The following ANKRD13D variants were observed in gnomAD, a reference collection of about 807,000 sequenced individuals.
ANKRD13D encodes ankyrin repeat domain 13D, also known as ankyrin repeat domain-containing protein 13D.
In ANKRD13D, 24 loss-of-function variants were observed where a neutral mutation model predicts 68.8. The ratio of observed to expected loss-of-function variants is 0.35; its 90% CI spans 0.25 to 0.49. ANKRD13D has a LOEUF of 0.49. ANKRD13D is among the 20% of genes least tolerant of loss of function. The probability of loss-of-function intolerance (pLI) is 0.99; values close to 1 mark genes in which losing one functional copy is unlikely to be tolerated. For synonymous variants in ANKRD13D, 331 were observed against 336.1 expected, an observed-to-expected ratio of 0.98 and a Z score of 0.16; for missense variants, 735 against 832.1, an observed-to-expected ratio of 0.88 and a Z score of 1.44.
rs189995219 is a variant in ANKRD13D, at chr11:67,297,891, T to G, written c.732-1167T>G. ...GAGTATTTTCTGATTTCTCTTTTGA[T>G]TTATTATTTGAGACGTTGGCTATTT... On this transcript the variant is annotated intron_variant, in intron 6 of 14. Coordinates refer to ENST00000511455, the MANE Select transcript of ANKRD13D (RefSeq NM_207354.3). 18 of 152,212 alleles carry G rather than the reference T, an allele frequency of 1.2e-4. No homozygotes were observed. The East Asian group carries it at 3.5e-3, about 29-fold the overall frequency. The allele number at this position is 152,212 out of a possible 1,614,324, so 9.4% of individuals were successfully genotyped here.
In ANKRD13D at chr11:67,301,503, G is replaced by A; in HGVS notation, c.1364G>A (p.Cys455Tyr). The A allele has an allele frequency of 6.2e-7, 1 of 1,612,910 alleles. No individual in the cohort carries two copies. Among genetic ancestry groups the A allele is most frequent in the Non-Finnish European group, 8.5e-7 (1 of 1,179,782 alleles). Reference sequence around the variant, plus strand: ...ACCTGCCTAGGGAACCCTTTCCCGTGCGAGGTGGACCCCACCGTGTTTGAA... The same window carrying A: ...ACCTGCCTAGGGAACCCTTTCCCGTACGAGGTGGACCCCACCGTGTTTGAA... ...AVAASGNPFP[C>Y]EVDPTVFEVP... Residue 455 changes from cysteine to tyrosine, a missense_variant, in exon 13 of 15, where the codon TGC (cysteine) becomes TAC (tyrosine). By Grantham distance (194) the Cys-to-Tyr change is radical (BLOSUM62 -2). Coordinates refer to ENST00000511455, the MANE Select transcript of ANKRD13D (RefSeq NM_207354.3). This position sits in a 1 kb window ranked among gnomAD's most constrained non-coding sequence, Gnocchi z 4.5.
Position 67,291,986 on chromosome 11 carries a change from G to T in ANKRD13D, c.542-5G>T, listed in dbSNP as rs376543024. The T allele has an allele frequency of 1.8e-5, 29 of 1,573,366 alleles. No individual in the cohort carries two copies. The highest frequency in any genetic ancestry group is 1.6e-4 in the East Asian group (7 of 44,156). Reference sequence around the variant, plus strand: ...CCCCCTCTGTCCACCCCTACCGGCCGGCAGAGGCAGGAGCCCTGGTGATGG... The same window carrying T: ...CCCCCTCTGTCCACCCCTACCGGCCTGCAGAGGCAGGAGCCCTGGTGATGG... On this transcript the variant is annotated splice_region_variant and splice_polypyrimidine_tract_variant and intron_variant, in intron 5 of 14. Coordinates refer to ENST00000511455, the MANE Select transcript of ANKRD13D (RefSeq NM_207354.3).
At chr11:67,295,945 G>A (rs901272448) in intron 6 of ANKRD13D, among the ~76,000 whole-genome samples, 2 of 152,166 alleles carry the variant, frequency 1.3e-5, no homozygotes, top group African/African-American at 4.8e-5. Flanking sequence ...ATGAAAGGAT[G>A]TTGGATTTTG....
At chr11:67,292,991 C>T (rs1035622598) in intron 6 of ANKRD13D, among the ~76,000 whole-genome samples, 26 of 152,098 alleles carry the variant, frequency 1.7e-4, no homozygotes, top group Non-Finnish European at 3.7e-4. Flanking sequence ...GTAACTATTT[C>T]TTTCCTTTTT....
intron 3 of ANKRD13D, chr11:67,290,950 TC>T: frequency 5.6e-6 from 1 of 177,384 alleles, no homozygotes; most frequent in Non-Finnish European, 1.2e-5. Context: ...AGGCTGGCCC[TC>T]CACCTCCAGG....
Position 67,291,975 on chromosome 11 carries a change from C to A in ANKRD13D, c.542-16C>A, listed in dbSNP as rs773045418. The A allele has an allele frequency of 1.9e-6, 3 of 1,565,080 alleles. No homozygotes were observed. In the South Asian group the frequency reaches 3.5e-5, roughly 18 times the overall value. ...ACTGATTTGCGCCCCCTCTGTCCAC[C>A]CCTACCGGCCGGCAGAGGCAGGAGC... On this transcript the variant is annotated splice_polypyrimidine_tract_variant and intron_variant, in intron 5 of 14. Coordinates refer to ENST00000511455, the MANE Select transcript of ANKRD13D (RefSeq NM_207354.3).
chr11:67,296,335 C>CAGAG (rs1554970146), intron 6 of ANKRD13D, among the ~76,000 whole-genome samples: 1 of 76,796 alleles, frequency 1.3e-5, no homozygotes, highest in Non-Finnish European at 3.5e-5. Context: ...CCATTTGGGC[C>CAGAG]TGAGTGTGTG....
chr11:67,297,612 G>A (rs1590871134), intron 6 of ANKRD13D, among the ~76,000 whole-genome samples: 1 of 149,752 alleles, frequency 6.7e-6, no homozygotes, highest in African/African-American at 2.5e-5. Flanking sequence ...TGCAAGCTCC[G>A]CCTCCCGGGT....
At position 67,291,724 on chromosome 11, in the gene ANKRD13D, G is replaced by A. The variant is rs745957703; in HGVS notation, c.519G>A (p.Arg173=). 6.2e-7 allele frequency: 1 copy of A among 1,614,000 alleles called. No homozygotes were observed. The highest frequency in any genetic ancestry group is 1.1e-5 in the South Asian group (1 of 91,090). ...FEHMTWQRGR[R]SFIFKGQEAG... is the part of the protein sequence containing the mutation. ...ACATGACCTGGCAGCGGGGCCGGAG[G>A]AGCTTCATCTTCAAGGGCCAGGGTG... Residue 173 remains arginine, a synonymous_variant, in exon 5 of 15, where the codon AGG becomes AGA. Transcript: ENST00000511455.
At chr11:67,289,962 C>A in intron 1 of ANKRD13D, 116 bp from the exon 2 acceptor site, 1 of 1,459,822 alleles carries the variant, frequency 6.9e-7, no homozygotes, top group Non-Finnish European at 9.0e-7. Flanking sequence ...CTGCCATCTC[C>A]CTGGTCAGTC....
intron 5 of ANKRD13D, 21 bp downstream of exon 5, chr11:67,291,767 T>C (rs1394756167): frequency 3.7e-6 from 6 of 1,612,292 alleles, no homozygotes; most frequent in Non-Finnish European, 4.2e-6. Flanking sequence ...GACAAACTCA[T>C]TGCAGCTCCT....
chr11:67,291,923 G>A (rs972100686), intron 5 of ANKRD13D, 68 bp from the exon 6 acceptor site: 212 of 1,524,388 alleles, frequency 1.4e-4, no homozygotes, highest in Non-Finnish European at 1.6e-4. Context: ...GTACATGATC[G>A]CCCTCTCTGC....
Position 67,302,130 on chromosome 11 carries a change from A to G in ANKRD13D, c.1616A>G (p.Glu539Gly), listed in dbSNP as rs1466310030. 1 of 1,576,740 alleles carries G rather than the reference A, an allele frequency of 6.3e-7. No individual in the cohort carries two copies. Among genetic ancestry groups the G allele is most frequent in the South Asian group, 1.2e-5 (1 of 86,760 alleles). The change falls in exon 15 of 15, where the codon GAA becomes GGA. Residue 539 changes from glutamate (E) to glycine (G), a missense_variant. Physicochemically the swap from Glu to Gly is moderately conservative, Grantham distance 98. Coordinates refer to ENST00000511455, the MANE Select transcript of ANKRD13D (RefSeq NM_207354.3). The part of the protein sequence containing the change: ...EQLQLERALQ[E>G]SLQLSTEPRG... The stretch of plus-strand genomic sequence containing the variant: ...GCCCTGCCTGGAAGGGCCCTCCAGG[A>G]AAGCCTGCAGCTGTCCACAGAGCCC...
At chr11:67,289,765 C>T (rs1381948885) in intron 1 of ANKRD13D, 2 of 1,418,218 alleles carry the variant, frequency 1.4e-6, no homozygotes, top group Admixed American at 3.1e-5. Context: ...CCTGCTCGCC[C>T]GAACTCGCTT....
At chr11:67,297,010 G>A (rs1396191266) in intron 6 of ANKRD13D, among the ~76,000 whole-genome samples, 1 of 151,890 alleles carries the variant, frequency 6.6e-6, no homozygotes, top group Non-Finnish European at 1.5e-5. Context: ...CCAGTTTTTG[G>A]TTTCATTAAT....
chr11:67,299,678 T>G lies in ANKRD13D; in HGVS notation c.880+67T>G, dbSNP rs1045214914. The G allele has an allele frequency of 6.5e-7, 1 of 1,536,216 alleles. No homozygotes were observed. The highest frequency in any genetic ancestry group is 8.8e-7 in the Non-Finnish European group (1 of 1,135,710). Reference sequence around the variant, plus strand: ...TGGTGGGGTCACCCTGGCCTGGGATTAGGGGCCAGAGTTTCCCAGGATGAG... The same window carrying G: ...TGGTGGGGTCACCCTGGCCTGGGATGAGGGGCCAGAGTTTCCCAGGATGAG... On this transcript the variant is annotated intron_variant, in intron 8 of 14. Coordinates refer to ENST00000511455, the MANE Select transcript of ANKRD13D (RefSeq NM_207354.3). This position sits in a 1 kb window ranked among gnomAD's most constrained non-coding sequence, Gnocchi z 6.2.
chr11:67,297,308 G>A (rs1860788100), intron 6 of ANKRD13D, among the ~76,000 whole-genome samples: 1 of 151,536 alleles, frequency 6.6e-6, no homozygotes, highest in Non-Finnish European at 1.5e-5. Context: ...CCAGGCTCAA[G>A]TGATCCTCCC....
intron 1 of ANKRD13D, 128 bp downstream of exon 1, chr11:67,289,678 C>G (rs1860451477): frequency 7.8e-7 from 1 of 1,281,892 alleles, no homozygotes; most frequent in Non-Finnish European, 1.0e-6. Context: ...CCTTCCTCCC[C>G]TGCACGATCC....
chr11:67,301,346 G>T lies in ANKRD13D; in HGVS notation c.1296G>T (p.Glu432Asp), dbSNP rs1860979027. 3.7e-6 allele frequency: 6 copies of T among 1,613,636 alleles called. No individual in the cohort carries two copies. In the South Asian group the frequency reaches 5.5e-5, roughly 15 times the overall value. Reference sequence around the variant, plus strand: ...TCAGCAACCTGTGTGGCTGTGATGAGCCCCTGAGCTCCGTGTGGGTGCCGG... The same window carrying T: ...TCAGCAACCTGTGTGGCTGTGATGATCCCCTGAGCTCCGTGTGGGTGCCGG... Reference protein sequence around the residue: ...ITFSNLCGCDEPLSSVWVPAP... With the variant: ...ITFSNLCGCDDPLSSVWVPAP... The change falls in exon 12 of 15, where the codon GAG (glutamate) becomes GAT (aspartate). Residue 432 changes from glutamate to aspartate, a missense_variant. Glu to Asp is a conservative substitution (Grantham distance 45). Transcript: ENST00000511455. The surrounding 1 kb of genome is among the most constrained non-coding windows in gnomAD (Gnocchi z 4.5).
Sources: allele counts gnomAD v4.1 joint callset (sites outside exome capture counted in the v4.1 genomes callset), GRCh38; gene constraint gnomAD v4.1.1; non-coding constraint Gnocchi (gnomAD v3.1); transcripts MANE v1.5; gene names NCBI Gene and HGNC (gene_info 2026-07-23, HGNC 2026-07-21).